Variants in ATXN3 observed in about 807,000 individuals in gnomAD.
ATXN3 encodes the protein ataxin-3.
In ATXN3, 28 loss-of-function variants were observed where a neutral mutation model predicts 58.2. The observed-to-expected ratio is 0.48, with a 90% CI of 0.36 to 0.66. The LOEUF is 0.66. Ranked by LOEUF, ATXN3 falls within the 30% of genes least tolerant of loss-of-function variation. The pLI is 0.00. For missense variants in ATXN3, 321 were observed against 422.1 expected (o/e 0.76, Z 2.10); for synonymous variants, 113 against 138.5 (o/e 0.82, Z 1.29).
intron 10 of ATXN3, among the ~76,000 whole-genome samples, chr14:92,067,814 G>C (rs768134157): frequency 5.3e-5 from 8 of 152,214 alleles, no homozygotes; most frequent in Non-Finnish European, 8.8e-5. Flanking sequence ...ACAGGGAAAA[G>C]GGAGTGCCAC....
At chr14:92,100,527 C>T (rs932305354) in intron 1 of ATXN3, among the ~76,000 whole-genome samples, 1 of 151,792 alleles carries the variant, frequency 6.6e-6, no homozygotes, top group Non-Finnish European at 1.5e-5. Flanking sequence ...TTAACTACAA[C>T]AGTAGTTAAT....
At chr14:92,093,595 A>G in intron 4 of ATXN3, 151 bp downstream of exon 4, 1 of 700,518 alleles carries the variant, frequency 1.4e-6, no homozygotes, top group East Asian at 2.7e-5. Context: ...GCTCATGGAC[A>G]TCACAAAGGT....
chr14:92,054,786 T>C (rs1233919767), downstream of ATXN3, among the ~76,000 whole-genome samples: 1 of 152,170 alleles, frequency 6.6e-6, no homozygotes, highest in African/African-American at 2.4e-5. Context: ...ACTGTGATGC[T>C]GTATCATCCC....
At chr14:92,045,570 A>AG (rs1285592622) in intron 2 of ATXN3, among the ~76,000 whole-genome samples, 1 of 151,710 alleles carries the variant, frequency 6.6e-6, no homozygotes, top group African/African-American at 2.4e-5. Context: ...TAGGGTAGGG[A>AG]GGGGGCCTGA....
At chr14:92,069,171 C>T (rs1056571701) in intron 10 of ATXN3, among the ~76,000 whole-genome samples, 23 of 151,528 alleles carry the variant, frequency 1.5e-4, no homozygotes, top group African/African-American at 5.3e-4. Context: ...CTCCGCCTCC[C>T]GGGTTCAAGT....
intron 6 of ATXN3, among the ~76,000 whole-genome samples, chr14:92,084,005 A>G (rs527414821): frequency 2.0e-5 from 3 of 152,266 alleles, no homozygotes; most frequent in Admixed American, 2.0e-4. Context: ...TTGAACTTAC[A>G]CCAGTGGTTT....
chr14:92,096,543 G>A (rs2065281643), intron 2 of ATXN3, 131 bp downstream of exon 2: 1 of 962,404 alleles, frequency 1.0e-6, no homozygotes, highest in African/African-American at 1.7e-5. Context: ...AGAATCGCTT[G>A]AACCCGGGAG....
chr14:92,063,512 C>T lies in ATXN3; in HGVS notation c.*808G>A, dbSNP rs1424290376. On this transcript the variant is annotated 3_prime_UTR_variant, in exon 11 of 11. Transcript: ENST00000644486. ...AAGGCGCAGGAAGAAGGGGTTGCAACAAAGCTGTAAGGTTTTGATATAAGT... is the reference window on the plus strand; with the variant it reads ...AAGGCGCAGGAAGAAGGGGTTGCAATAAAGCTGTAAGGTTTTGATATAAGT... 6.6e-6 allele frequency: 1 copy of T among 152,092 alleles called. No homozygotes were observed. The highest frequency in any genetic ancestry group is 2.4e-5 in the African/African-American group (1 of 41,416). 9.4% of individuals were successfully genotyped at this position (152,092 alleles called of 1,614,324 possible). A position where few individuals can be genotyped will look rare whatever the true frequency, so the allele number is the denominator to read the frequency against.
chr14:92,091,787 T>C (rs1191341078), intron 5 of ATXN3, among the ~76,000 whole-genome samples: 1 of 152,026 alleles, frequency 6.6e-6, no homozygotes, highest in Non-Finnish European at 1.5e-5. Context: ...AGGCTTGACC[T>C]CTGTGCTCCC....
At chr14:92,047,971 AG>A (rs1239037912) in exon 2 of ATXN3, 5 of 152,918 alleles carry the variant, frequency 3.3e-5, no homozygotes, top group African/African-American at 1.2e-4. Context: ...AGGCAGCATC[AG>A]TCTTCAGCTG....
chr14:92,105,250 C>T (rs561595983), intron 1 of ATXN3, among the ~76,000 whole-genome samples: 78 of 152,178 alleles, frequency 5.1e-4, no homozygotes, highest in Non-Finnish European at 7.9e-4. Context: ...AGCGAGACCC[C>T]GTCTCTCCCA....
chr14:92,081,910 C>T (rs1057466860), intron 8 of ATXN3, among the ~76,000 whole-genome samples: 2 of 152,196 alleles, frequency 1.3e-5, no homozygotes, highest in Non-Finnish European at 2.9e-5. Flanking sequence ...GTTGCATAGC[C>T]AATAAATGTT....
chr14:92,066,369 T>C lies in ATXN3; in HGVS notation c.992-1955A>G, dbSNP rs543354203. Reference sequence around the variant, plus strand: ...TTCAACCATCATACAATTTAGAAAATTCAAAAGGAGGGGAAAGTCTATTGT... The same window carrying C: ...TTCAACCATCATACAATTTAGAAAACTCAAAAGGAGGGGAAAGTCTATTGT... On this transcript the variant is annotated intron_variant, in intron 10 of 10. Coordinates refer to ENST00000644486, the MANE Select transcript of ATXN3 (RefSeq NM_004993.6). Among the ~76,000 whole-genome samples, 30 of 152,200 alleles carry C rather than the reference T, an allele frequency of 2.0e-4. No individual in the cohort carries two copies. The South Asian group carries it at 5.8e-3, about 29-fold the overall frequency.
chr14:92,071,247 G>A, intron 9 of ATXN3, 194 bp from the exon 10 acceptor site: 2 of 926,578 alleles, frequency 2.2e-6, no homozygotes, highest in Non-Finnish European at 3.4e-6. Context: ...AGGAAATCTA[G>A]ACATAAAATT....
chr14:92,064,230 T>G lies in ATXN3; in HGVS notation c.*90A>C. 3 of 871,984 alleles carry G rather than the reference T, an allele frequency of 3.4e-6. No individual in the cohort carries two copies. The highest frequency in any genetic ancestry group is 5.3e-6 in the Non-Finnish European group (3 of 566,392). 54.0% of individuals were successfully genotyped at this position (871,984 alleles called of 1,614,324 possible). On this transcript the variant is annotated 3_prime_UTR_variant, in exon 11 of 11. Transcript: ENST00000644486. ...CCGCTAAAAGTCTTATTTCCTCATC[T>G]CTTTGACACATTACCAAAGTGGACC...
At position 92,087,768 on chromosome 14, in the gene ATXN3, A is replaced by T. The variant is rs532765285; in HGVS notation, c.475+962T>A. Among the ~76,000 whole-genome samples, 39 of 152,360 alleles carry T rather than the reference A, an allele frequency of 2.6e-4. 1 individual carries two copies. The highest frequency in any genetic ancestry group is 2.5e-3 in the Admixed American group (39 of 15,300). On this transcript the variant is annotated intron_variant, in intron 6 of 10. Coordinates refer to ENST00000644486, the MANE Select transcript of ATXN3 (RefSeq NM_004993.6). ...GGTTTAAAGAATGGCTGGAATAAAA[A>T]AACAGACAAAACATGGTTTAAAGAT... is the stretch of plus-strand genomic sequence containing the variant.
intron 9 of ATXN3, among the ~76,000 whole-genome samples, chr14:92,071,756 CATA>C (rs2059493713): frequency 6.6e-6 from 1 of 152,152 alleles, no homozygotes; most frequent in Non-Finnish European, 1.5e-5. Flanking sequence ...TGTGAGTTAA[CATA>C]ATGTTTCCAT....
intron 9 of ATXN3, among the ~76,000 whole-genome samples, chr14:92,078,344 TAA>T (rs1187986844): frequency 7.0e-6 from 1 of 142,856 alleles, no homozygotes; most frequent in East Asian, 2.0e-4. Flanking sequence ...TAAGTAGATT[TAA>T]GTTATTTTTT....
intron 4 of ATXN3, 35 bp from the exon 5 acceptor site, chr14:92,093,353 ATTGAATTCATATTTATG>A: frequency 2.8e-6 from 3 of 1,061,746 alleles, no homozygotes; most frequent in Non-Finnish European, 4.2e-6. Context: ...AACTTGAAAT[ATTGAATTCATATTTATG>A]TTGTCTACTG....
Sources: gnomAD v4.1 joint callset for allele counts (sites outside exome capture counted in the v4.1 genomes callset) on GRCh38, gnomAD v4.1.1 for gene constraint, MANE v1.5 for transcripts, NCBI Gene and HGNC (gene_info 2026-07-23, HGNC 2026-07-21) for gene names.